The following PLD5 variants were observed in gnomAD, a reference collection of about 807,000 sequenced individuals.
PLD5 encodes inactive phospholipase D5.
PLD5 carries 36 observed loss-of-function variants against 61.1 expected under a neutral mutation model. That is an observed-to-expected ratio of 0.59 (90% CI 0.45 to 0.78). The LOEUF (loss-of-function observed/expected upper bound fraction) is 0.78, where lower values mean the gene tolerates loss of function less well. Ranked by LOEUF, PLD5 falls within the 30% of genes least tolerant of loss-of-function variation. The pLI, the probability that PLD5 is intolerant of heterozygous loss-of-function variation, is 0.00. For missense variants in PLD5, 515 were observed against 644.4 expected, an observed-to-expected ratio of 0.80 and a Z score of 2.17; for synonymous variants, 243 against 242.8, an observed-to-expected ratio of 1.00 and a Z score of -0.01.
intron 2 of PLD5, among the ~76,000 whole-genome samples, chr1:242,326,304 G>A (rs1215238637): frequency 1.3e-5 from 2 of 151,696 alleles, no homozygotes; most frequent in African/African-American, 2.4e-5. Context: ...GCATACTAAA[G>A]ATAAAGGTAC....
chr1:242,211,121 C>A (rs1246503000), intron 5 of PLD5, among the ~76,000 whole-genome samples: 2 of 152,244 alleles, frequency 1.3e-5, no homozygotes, highest in East Asian at 3.9e-4. Flanking sequence ...GCTGGATACA[C>A]TAAACAACAG....
intron 5 of PLD5, among the ~76,000 whole-genome samples, chr1:242,161,907 G>C (rs1347452970): frequency 1.3e-5 from 2 of 152,146 alleles, no homozygotes; most frequent in Non-Finnish European, 2.9e-5. Flanking sequence ...TCCTACTCTG[G>C]TTGATGACAC....
rs1663485067 is a variant in PLD5 at position 242,395,090 on chromosome 1, T to G, written c.190-46848A>C. Among the ~76,000 whole-genome samples, 2 of 145,242 alleles carry G rather than the reference T, an allele frequency of 1.4e-5. 1 individual carries two copies. The highest frequency in any genetic ancestry group is 3.0e-5 in the Non-Finnish European group (2 of 66,924). The stretch of plus-strand genomic sequence containing the variant: ...ATATATGAATATATATGTATATATA[T>G]GAATATATATGTATGTATATGAATA... On this transcript the variant is annotated intron_variant, in intron 1 of 9. Transcript: ENST00000536534.
chr1:242,205,653 T>C (rs1418261935), intron 5 of PLD5, among the ~76,000 whole-genome samples: 1 of 152,228 alleles, frequency 6.6e-6, no homozygotes, highest in African/African-American at 2.4e-5. Context: ...CTTTGCTCCA[T>C]TTTCATTTTG....
At chr1:242,247,036 T>C (rs1034123982) in intron 4 of PLD5, among the ~76,000 whole-genome samples, 123 of 150,478 alleles carry the variant, frequency 8.2e-4, no homozygotes, top group Non-Finnish European at 1.2e-3. Flanking sequence ...CAGGCTGGAG[T>C]GCAGTGGCGC....
intron 2 of PLD5, among the ~76,000 whole-genome samples, chr1:242,293,612 C>T (rs1485703299): frequency 6.6e-6 from 1 of 152,122 alleles, no homozygotes; most frequent in African/African-American, 2.4e-5. Context: ...AGAACACATC[C>T]TCTGAGGATA....
chr1:242,247,686 C>CTGAAAAAA (rs1558394586), intron 4 of PLD5, among the ~76,000 whole-genome samples: 1 of 152,122 alleles, frequency 6.6e-6, no homozygotes, highest in Non-Finnish European at 1.5e-5. Context: ...TTTGGGGGTC[C>CTGAAAAAA]CCTTGGCTAA....
At chr1:242,312,261 C>T (rs2796086) in intron 2 of PLD5, among the ~76,000 whole-genome samples, 4 of 150,850 alleles carry the variant, frequency 2.7e-5, no homozygotes, top group South Asian at 4.2e-4. Flanking sequence ...TAATGTCTTG[C>T]GATCTTTTGT....
chr1:242,481,621 G>C (rs143663947), intron 1 of PLD5, among the ~76,000 whole-genome samples: 6,587 of 152,314 alleles, frequency 0.043, 228 homozygotes, highest in Middle Eastern at 0.061. Context: ...TCTGTAGACT[G>C]CACCTCTGGG....
At chr1:242,239,313 G>A (rs750502477) in intron 4 of PLD5, among the ~76,000 whole-genome samples, 3 of 152,132 alleles carry the variant, frequency 2.0e-5, no homozygotes, top group Non-Finnish European at 4.4e-5. Flanking sequence ...TTGGTGGAAT[G>A]AATGATTGGA....
chr1:242,297,343 C>CAAAAA (rs34723393), intron 2 of PLD5, among the ~76,000 whole-genome samples: 2 of 63,120 alleles, frequency 3.2e-5, no homozygotes, highest in African/African-American at 1.2e-4. Flanking sequence ...GACTCCTTCT[C>CAAAAA]AAAAAAAAAA....
chr1:242,392,705 T>A (rs1434799353), intron 1 of PLD5, among the ~76,000 whole-genome samples: 1 of 152,076 alleles, frequency 6.6e-6, no homozygotes, highest in Admixed American at 6.5e-5. Context: ...CCTGCCCATC[T>A]CCTCACAGGG....
rs149156714 is a variant in PLD5, at chr1:242,453,059, C to T, written c.189+71029G>A. On this transcript the variant is annotated intron_variant, in intron 1 of 9. Coordinates refer to ENST00000536534, the MANE Select transcript of PLD5 (RefSeq NM_001372062.1). Reference sequence around the variant, plus strand: ...ACGATTGTCAGAATGTTTGTGGCCCCCTCCACATTCGTATGTTGAAACCTA... The same window carrying T: ...ACGATTGTCAGAATGTTTGTGGCCCTCTCCACATTCGTATGTTGAAACCTA... 5.3e-3 allele frequency among the ~76,000 whole-genome samples: 812 copies of T among 152,324 alleles called. 5 individuals are homozygous for T. Among genetic ancestry groups the T allele is most frequent in the Middle Eastern group, 0.014 (4 of 294 alleles).
rs866619130 is a variant in PLD5 at position 242,207,780 on chromosome 1, A to T, written c.735+12208T>A. Among the ~76,000 whole-genome samples, 335 of 75,794 alleles carry T rather than the reference A, an allele frequency of 4.4e-3. 9 individuals are homozygous for T. Among genetic ancestry groups the T allele is most frequent in the African/African-American group, 0.021 (217 of 10,278 alleles). The allele number at this position is 75,794 out of a possible 152,430, so 49.7% of individuals were successfully genotyped here. On this transcript the variant is annotated intron_variant, in intron 5 of 9. Transcript: ENST00000536534. ...TATTTATATTTATATATATTTATAT[A>T]TATTTATATTTATATATATTTATAT...
intron 4 of PLD5, among the ~76,000 whole-genome samples, chr1:242,253,454 C>T (rs1490356265): frequency 6.6e-6 from 1 of 151,838 alleles, no homozygotes; most frequent in Non-Finnish European, 1.5e-5. Flanking sequence ...GCTGAGACTA[C>T]AGGTGCCTGC....
At chr1:242,311,490 C>G (rs1319055165) in intron 2 of PLD5, among the ~76,000 whole-genome samples, 1 of 151,980 alleles carries the variant, frequency 6.6e-6, no homozygotes, top group Non-Finnish European at 1.5e-5. Flanking sequence ...CTTTGAGAAC[C>G]ACTGGTTAAG....
At chr1:242,307,362 GTGATGA>G (rs71176746) in intron 2 of PLD5, among the ~76,000 whole-genome samples, 2 of 149,230 alleles carry the variant, frequency 1.3e-5, no homozygotes, top group Admixed American at 6.7e-5. Context: ...GATGATGATG[GTGATGA>G]TGATGATGAT....
chr1:242,105,132 T>G (rs2148678310), intron 8 of PLD5, among the ~76,000 whole-genome samples: 1 of 152,268 alleles, frequency 6.6e-6, no homozygotes, highest in South Asian at 2.1e-4. Flanking sequence ...CAGCATTTAT[T>G]TGGAAGGAAT....
chr1:242,524,798 A>G (rs1486706021), upstream of PLD5: 1 of 148,784 alleles, frequency 6.7e-6, no homozygotes, highest in Non-Finnish European at 1.5e-5. Context: ...AGGTTGGTGC[A>G]GTGAGGAGCC....
Sources: allele counts gnomAD v4.1 joint callset (sites outside exome capture counted in the v4.1 genomes callset), GRCh38; gene constraint gnomAD v4.1.1; transcripts MANE v1.5; gene names NCBI Gene and HGNC (gene_info 2026-07-23, HGNC 2026-07-21).